Variants in TMEM163 observed in about 807,000 individuals in gnomAD.
TMEM163 encodes transmembrane protein 163.
A neutral mutation model predicts 29.3 loss-of-function variants in TMEM163; 17 were observed. The ratio of observed to expected loss-of-function variants is 0.58; its 90% CI spans 0.40 to 0.87. The LOEUF is 0.87. Among genes scored for constraint, TMEM163 ranks in the 40% least tolerant of loss-of-function variants. The pLI is 0.00. For missense variants in TMEM163, 303 were observed against 381.5 expected (o/e 0.79, Z 1.71); for synonymous variants, 157 against 160.6 (o/e 0.98, Z 0.17).
At chr2:134,523,623 T>G (rs577555056) in intron 4 of TMEM163, among the ~76,000 whole-genome samples, 1 of 152,338 alleles carries the variant, frequency 6.6e-6, no homozygotes, top group South Asian at 2.1e-4. Context: ...TAATTCATCT[T>G]GGTAGGAATT....
chr2:134,486,732 C>G (rs551676075), intron 5 of TMEM163, among the ~76,000 whole-genome samples: 38 of 152,236 alleles, frequency 2.5e-4, no homozygotes, highest in Admixed American at 2.2e-3. Context: ...GAAAAGCTGC[C>G]TAGTTCATTA....
At chr2:134,668,611 G>C (rs1218781363) in intron 2 of TMEM163, among the ~76,000 whole-genome samples, 3 of 151,050 alleles carry the variant, frequency 2.0e-5, no homozygotes, top group Non-Finnish European at 2.9e-5. Context: ...GGTGACAAGA[G>C]GGAAACTCCG....
intron 2 of TMEM163, among the ~76,000 whole-genome samples, chr2:134,599,422 T>C (rs1356450153): frequency 6.6e-6 from 1 of 152,130 alleles, no homozygotes; most frequent in Non-Finnish European, 1.5e-5. Flanking sequence ...CCCTAATGAA[T>C]GGGATTAGTG....
chr2:134,679,170 C>T (rs946366619), intron 2 of TMEM163, among the ~76,000 whole-genome samples: 1 of 152,132 alleles, frequency 6.6e-6, no homozygotes, highest in Non-Finnish European at 1.5e-5. Flanking sequence ...GTGGGGGACA[C>T]AAGGATGGAG....
intron 1 of TMEM163, among the ~76,000 whole-genome samples, chr2:134,717,846 C>T (rs938384551): frequency 6.6e-6 from 1 of 152,026 alleles, no homozygotes; most frequent in Non-Finnish European, 1.5e-5. Context: ...GAATCCAAGC[C>T]CAAAGGAAAC....
chr2:134,575,574 C>T (rs1032718097), intron 2 of TMEM163, among the ~76,000 whole-genome samples: 6 of 152,196 alleles, frequency 3.9e-5, no homozygotes, highest in African/African-American at 1.2e-4. Flanking sequence ...CTCTGGGTCA[C>T]GCTTTCATGA....
intron 1 of TMEM163, among the ~76,000 whole-genome samples, chr2:134,714,637 C>T (rs767361018): frequency 2.6e-5 from 4 of 152,210 alleles, no homozygotes; most frequent in Non-Finnish European, 5.9e-5. Flanking sequence ...GCCCAGCTCA[C>T]AGCCTAGAGA....
chr2:134,686,100 A>G (rs911239738), intron 2 of TMEM163, among the ~76,000 whole-genome samples: 5 of 152,166 alleles, frequency 3.3e-5, no homozygotes. Flanking sequence ...ATCTGGGTCC[A>G]CTTGTCTCTT....
At chr2:134,569,725 C>T (rs1462899848) in intron 2 of TMEM163, among the ~76,000 whole-genome samples, 1 of 152,178 alleles carries the variant, frequency 6.6e-6, no homozygotes, top group African/African-American at 2.4e-5. Context: ...GTAGCCTTTT[C>T]CTGGGATCCA....
chr2:134,539,565 C>G (rs1044196546), intron 4 of TMEM163, among the ~76,000 whole-genome samples: 1 of 152,144 alleles, frequency 6.6e-6, no homozygotes, highest in African/African-American at 2.4e-5. Context: ...GATATGATTA[C>G]AAAAACTGTA....
intron 5 of TMEM163, among the ~76,000 whole-genome samples, chr2:134,487,069 G>C (rs1032702539): frequency 3.3e-5 from 5 of 152,098 alleles, no homozygotes; most frequent in Admixed American, 1.3e-4. Flanking sequence ...AAGCCCTTCT[G>C]TTACAGTAAG....
At chr2:134,680,596 T>C (rs189138741) in intron 2 of TMEM163, among the ~76,000 whole-genome samples, 4 of 152,374 alleles carry the variant, frequency 2.6e-5, no homozygotes, top group Admixed American at 1.3e-4. Context: ...GGGCTCATTA[T>C]GGACCACATT....
At chr2:134,619,030 TAA>T (rs1433664719) in intron 2 of TMEM163, among the ~76,000 whole-genome samples, 2 of 152,098 alleles carry the variant, frequency 1.3e-5, no homozygotes, top group Non-Finnish European at 2.9e-5. Context: ...TCAATAAACC[TAA>T]GAGTTGGTTA....
chr2:134,525,952 C>T (rs1028506107), intron 4 of TMEM163, among the ~76,000 whole-genome samples: 4 of 152,200 alleles, frequency 2.6e-5, no homozygotes, highest in African/African-American at 9.7e-5. Flanking sequence ...AGGGATGCTG[C>T]GGGCATTCAC....
intron 2 of TMEM163, among the ~76,000 whole-genome samples, chr2:134,686,366 T>TA (rs1201367317): frequency 6.6e-6 from 1 of 152,198 alleles, no homozygotes; most frequent in Non-Finnish European, 1.5e-5. Context: ...GCCTAGAGCC[T>TA]AAAAAGCAAT....
intron 3 of TMEM163, among the ~76,000 whole-genome samples, chr2:134,551,636 G>A (rs1475275876): frequency 3.3e-5 from 5 of 152,156 alleles, no homozygotes; most frequent in Non-Finnish European, 5.9e-5. Context: ...GGCCAGCTGG[G>A]AAGCCAGGTT....
chr2:134,545,975 C>T (rs1680772875), intron 4 of TMEM163, among the ~76,000 whole-genome samples: 1 of 152,092 alleles, frequency 6.6e-6, no homozygotes, highest in Admixed American at 6.5e-5. Flanking sequence ...CATAACTTTC[C>T]CTTGCCCCTC....
At chr2:134,622,931 T>G (rs1201983963) in intron 2 of TMEM163, among the ~76,000 whole-genome samples, 1 of 152,122 alleles carries the variant, frequency 6.6e-6, no homozygotes. Context: ...CCCAGCTAAA[T>G]TTTTTGTATT....
chr2:134,664,607 G>A (rs1683831272), intron 2 of TMEM163, among the ~76,000 whole-genome samples: 1 of 152,154 alleles, frequency 6.6e-6, no homozygotes, highest in South Asian at 2.1e-4. Flanking sequence ...GGGTCTTTAT[G>A]AGAGAGAGGC....
Sources: allele counts gnomAD v4.1 joint callset (sites outside exome capture counted in the v4.1 genomes callset), GRCh38; gene constraint gnomAD v4.1.1; transcripts MANE v1.5; gene names NCBI Gene and HGNC (gene_info 2026-07-23, HGNC 2026-07-21).